The following FILIP1 variants were observed in gnomAD, a reference collection of about 807,000 sequenced individuals.
The protein encoded by FILIP1 is filamin A interacting protein 1.
FILIP1 carries 61 observed loss-of-function variants against 102.1 expected under a neutral mutation model. The observed-to-expected ratio is 0.60, with a 90% CI of 0.49 to 0.74. FILIP1 has a LOEUF of 0.74. Ranked by LOEUF, FILIP1 falls within the 30% of genes least tolerant of loss-of-function variation. The pLI is 0.00. For missense variants in FILIP1, 1,314 were observed against 1,441.2 expected (o/e 0.91, Z 1.43); for synonymous variants, 491 against 526.9 (o/e 0.93, Z 0.93).
intron 1 of FILIP1, among the ~76,000 whole-genome samples, chr6:75,486,893 C>CATT (rs1326434278): frequency 1.3e-5 from 2 of 151,570 alleles, no homozygotes; most frequent in South Asian, 4.2e-4. Context: ...TACATGTAGC[C>CATT]ATTATTATTA....
At chr6:75,388,264 T>A (rs921374939) in intron 2 of FILIP1, among the ~76,000 whole-genome samples, 1 of 152,224 alleles carries the variant, frequency 6.6e-6, no homozygotes, top group East Asian at 1.9e-4. Flanking sequence ...ACCAGTACCA[T>A]GCTGTTTTGG....
chr6:75,384,304 C>A (rs550923865), intron 2 of FILIP1, among the ~76,000 whole-genome samples: 1 of 152,182 alleles, frequency 6.6e-6, no homozygotes, highest in African/African-American at 2.4e-5. Context: ...TAAATCAAAC[C>A]TTTACCAGAC....
chr6:75,292,115 ACTT>A (rs1041681871), exon 7 of FILIP1: 1 of 152,236 alleles, frequency 6.6e-6, no homozygotes, highest in Non-Finnish European at 1.5e-5. Flanking sequence ...AAAATAATAA[ACTT>A]CTCGTGTACT....
Position 75,386,626 on chromosome 6 carries a change from T to A in FILIP1, c.277-23709A>T, listed in dbSNP as rs150290458. 9.2e-5 allele frequency among the ~76,000 whole-genome samples: 14 copies of A among 152,300 alleles called. No individual in the cohort carries two copies. In the East Asian group the frequency reaches 2.7e-3, roughly 29 times the overall value. On this transcript the variant is annotated intron_variant, in intron 2 of 5. Transcript: ENST00000237172. ...AAGATGACTTAATCACAGCAAAACA[T>A]TTGAAGCATCTCTTCCTGAGGTGTC...
intron 1 of FILIP1, among the ~76,000 whole-genome samples, chr6:75,462,998 C>G (rs1052689437): frequency 2.0e-5 from 3 of 152,128 alleles, no homozygotes; most frequent in African/African-American, 7.2e-5. Flanking sequence ...TTCATCTATA[C>G]CTGAAGTCTT....
intron 1 of FILIP1, among the ~76,000 whole-genome samples, chr6:75,477,532 T>C (rs1214796204): frequency 6.6e-6 from 1 of 151,974 alleles, no homozygotes; most frequent in Non-Finnish European, 1.5e-5. Flanking sequence ...CATAAATGTA[T>C]ATAATTATAA....
chr6:75,361,523 T>C (rs1360760995), intron 3 of FILIP1, among the ~76,000 whole-genome samples: 1 of 152,148 alleles, frequency 6.6e-6, no homozygotes, highest in Non-Finnish European at 1.5e-5. Flanking sequence ...ACTCCTCAAA[T>C]CTCCCCAAGT....
chr6:75,372,428 CA>C (rs1299320144), intron 2 of FILIP1, among the ~76,000 whole-genome samples: 1 of 143,106 alleles, frequency 7.0e-6, no homozygotes, highest in Non-Finnish European at 1.5e-5. Flanking sequence ...ACTCTTATGG[CA>C]AAAAAGAAAA....
intron 2 of FILIP1, among the ~76,000 whole-genome samples, chr6:75,412,636 C>G (rs1777118472): frequency 6.6e-6 from 1 of 152,152 alleles, no homozygotes. Context: ...GACAATGCTA[C>G]TAGAAGACAA....
intron 4 of FILIP1, among the ~76,000 whole-genome samples, chr6:75,329,813 A>C (rs1774007897): frequency 6.6e-6 from 1 of 152,148 alleles, no homozygotes; most frequent in African/African-American, 2.4e-5. Flanking sequence ...AGGTATATAC[A>C]CTTATGGGGT....
At chr6:75,362,658 A>G in intron 3 of FILIP1, 86 bp downstream of exon 3, 3 of 1,399,792 alleles carry the variant, frequency 2.1e-6, no homozygotes, top group South Asian at 2.6e-5. Context: ...CCTTTGAAAG[A>G]AAATGTTAAA....
intron 1 of FILIP1, among the ~76,000 whole-genome samples, chr6:75,430,654 G>T (rs1171936757): frequency 6.6e-6 from 1 of 152,176 alleles, no homozygotes; most frequent in Non-Finnish European, 1.5e-5. Flanking sequence ...TGCTTTAGTA[G>T]TGGTCTCATA....
chr6:75,441,953 C>G (rs1187842601), intron 1 of FILIP1, among the ~76,000 whole-genome samples: 1 of 151,686 alleles, frequency 6.6e-6, no homozygotes, highest in African/African-American at 2.4e-5. Context: ...ACCTCCCTCC[C>G]GGACGGGGTG....
At chr6:75,472,075 T>G (rs1228229134) in intron 1 of FILIP1, among the ~76,000 whole-genome samples, 1 of 152,160 alleles carries the variant, frequency 6.6e-6, no homozygotes, top group Non-Finnish European at 1.5e-5. Context: ...GCAAGCAATT[T>G]GCTTTAAACT....
chr6:75,348,631 T>A (rs1326426056), intron 4 of FILIP1, among the ~76,000 whole-genome samples: 1 of 152,220 alleles, frequency 6.6e-6, no homozygotes. Flanking sequence ...ATTTATATAG[T>A]TTTTACACTT....
chr6:75,403,207 T>C (rs2149674006), intron 2 of FILIP1, among the ~76,000 whole-genome samples: 1 of 152,184 alleles, frequency 6.6e-6, no homozygotes, highest in Non-Finnish European at 1.5e-5. Flanking sequence ...GAGCCTTCAG[T>C]GGCCCCTAAA....
chr6:75,334,976 G>A (rs1230202697), intron 4 of FILIP1, among the ~76,000 whole-genome samples: 5 of 152,048 alleles, frequency 3.3e-5, no homozygotes, highest in Non-Finnish European at 7.4e-5. Flanking sequence ...CCACACTAAG[G>A]GAAATGCATT....
rs377559714 is a variant in FILIP1, at chr6:75,314,857, C to T, written c.975G>A (p.Glu325=). The change falls in exon 5 of 6, where the codon GAG becomes GAA. Residue 325 remains glutamate, a synonymous_variant. Transcript: ENST00000237172. The stretch of plus-strand genomic sequence containing the variant: ...TGAGTCTAAGTTGCCTATTGTGAGA[C>T]TCTTGATTAGCCAGTTTAGCGTTCA... ...EEMNAKLANQ[E]SHNRQLRLKL... The T allele has an allele frequency of 6.8e-6, 11 of 1,613,978 alleles. No individual in the cohort carries two copies. Among genetic ancestry groups the T allele is most frequent in the Non-Finnish European group, 9.3e-6 (11 of 1,180,040 alleles).
At chr6:75,327,179 A>G (rs1274431488) in intron 4 of FILIP1, among the ~76,000 whole-genome samples, 1 of 152,184 alleles carries the variant, frequency 6.6e-6, no homozygotes, top group Non-Finnish European at 1.5e-5. Context: ...GATGCTTAGG[A>G]CTGAAATTTA....
Sources: gnomAD v4.1 joint callset for allele counts (sites outside exome capture counted in the v4.1 genomes callset) on GRCh38, gnomAD v4.1.1 for gene constraint, MANE v1.5 for transcripts, NCBI Gene and HGNC (gene_info 2026-07-23, HGNC 2026-07-21) for gene names.